GLIS3: variants seen among roughly 807,000 people sequenced by gnomAD.
GLIS3 encodes GLIS family zinc finger 3.
Under a neutral mutation model 78.6 loss-of-function variants are expected in GLIS3, and 53 were observed. The ratio of observed to expected loss-of-function variants is 0.67; its 90% CI spans 0.54 to 0.85. GLIS3 has a LOEUF of 0.85. Ranked by LOEUF, GLIS3 falls within the 40% of genes least tolerant of loss-of-function variation. The pLI, the probability that GLIS3 is intolerant of heterozygous loss-of-function variation, is 0.00. For synonymous variants in GLIS3, 684 were observed against 509.9 expected, an observed-to-expected ratio of 1.34 and a Z score of -4.60; for missense variants, 1,703 against 1,231.1, an observed-to-expected ratio of 1.38 and a Z score of -5.74.
chr9:4,330,927 G>A (rs1013095334), intron 2 of GLIS3, among the ~76,000 whole-genome samples: 46 of 152,300 alleles, frequency 3.0e-4, no homozygotes, highest in African/African-American at 1.0e-3. Flanking sequence ...TGTGCTGAAG[G>A]ATCACATTAG....
intron 2 of GLIS3, among the ~76,000 whole-genome samples, chr9:4,240,024 G>C (rs929403090): frequency 2.6e-5 from 4 of 151,832 alleles, no homozygotes; most frequent in African/African-American, 9.7e-5. Flanking sequence ...CATTTAACTT[G>C]ATTTTTTTTT....
chr9:3,828,100 C>T lies in GLIS3; in HGVS notation c.*172G>A. ...AGAAAAAGGAGCAACTGTAATGATT[C>T]CTGCAAAGCTAGCTCTGCCATTCAG... On this transcript the variant is annotated 3_prime_UTR_variant, in exon 11 of 11. Coordinates refer to ENST00000381971, the MANE Select transcript of GLIS3 (RefSeq NM_001042413.2). The T allele has an allele frequency of 2.8e-6, 2 of 706,822 alleles. No homozygotes were observed. The highest frequency in any genetic ancestry group is 4.9e-6 in the Non-Finnish European group (2 of 411,498). 43.8% of individuals were successfully genotyped at this position (706,822 alleles called of 1,614,324 possible). A position where few individuals can be genotyped will look rare whatever the true frequency, so the allele number is the denominator to read the frequency against.
At chr9:3,992,202 C>T (rs1356781780) in intron 4 of GLIS3, among the ~76,000 whole-genome samples, 11 of 152,238 alleles carry the variant, frequency 7.2e-5, no homozygotes, top group East Asian at 1.9e-4. Flanking sequence ...CATTTATTTT[C>T]ACTTTATACA....
chr9:4,311,280 ATG>A (rs1232308680), intron 2 of GLIS3, among the ~76,000 whole-genome samples: 8 of 152,208 alleles, frequency 5.3e-5, no homozygotes, highest in African/African-American at 1.9e-4. Context: ...GTGGTGGCAC[ATG>A]CCTGTAATCC....
At chr9:4,423,630 G>C in the GLIS3 span, among the ~76,000 whole-genome samples, 1 of 152,094 alleles carries the variant, frequency 6.6e-6, no homozygotes, top group African/African-American at 2.4e-5. Flanking sequence ...ATAATTTCTA[G>C]AGGATATCAC....
At chr9:3,988,552 GAATT>G (rs1162465904) in intron 4 of GLIS3, among the ~76,000 whole-genome samples, 1 of 152,136 alleles carries the variant, frequency 6.6e-6, no homozygotes, top group East Asian at 1.9e-4. Flanking sequence ...TGGTATTGAT[GAATT>G]AATACATAGA....
chr9:4,393,516 G>C, the GLIS3 span, among the ~76,000 whole-genome samples: 1 of 152,032 alleles, frequency 6.6e-6, no homozygotes, highest in Non-Finnish European at 1.5e-5. Flanking sequence ...GGTTTTTCCA[G>C]CCCAAGATCT....
chr9:4,311,331 C>T (rs1023888521), intron 2 of GLIS3, among the ~76,000 whole-genome samples: 1 of 152,174 alleles, frequency 6.6e-6, no homozygotes, highest in African/African-American at 2.4e-5. Context: ...ATCACTTGAG[C>T]TGGAGAGGTG....
intron 4 of GLIS3, among the ~76,000 whole-genome samples, chr9:4,085,905 CTG>C (rs1443729213): frequency 6.6e-6 from 1 of 152,200 alleles, no homozygotes; most frequent in Non-Finnish European, 1.5e-5. Context: ...GCCTGCAGAA[CTG>C]TGAGCAAATT....
chr9:4,214,192 A>G (rs1402721635), intron 2 of GLIS3, among the ~76,000 whole-genome samples: 2 of 152,236 alleles, frequency 1.3e-5, no homozygotes, highest in Non-Finnish European at 2.9e-5. Context: ...ATAATTGCTC[A>G]AAAATAAATT....
chr9:3,831,520 T>C (rs113847402), intron 9 of GLIS3, among the ~76,000 whole-genome samples: 167 of 152,368 alleles, frequency 1.1e-3, no homozygotes, highest in African/African-American at 3.7e-3. Flanking sequence ...GTTGTAGACA[T>C]TGCAAGAGAG....
At chr9:3,837,436 G>A (rs1818422123) in intron 9 of GLIS3, among the ~76,000 whole-genome samples, 1 of 152,172 alleles carries the variant, frequency 6.6e-6, no homozygotes, top group Non-Finnish European at 1.5e-5. Context: ...CCAAAGGGTT[G>A]GAAAACTTAT....
At chr9:4,319,695 A>C (rs1817493498) in intron 2 of GLIS3, among the ~76,000 whole-genome samples, 1 of 152,024 alleles carries the variant, frequency 6.6e-6, no homozygotes, top group Admixed American at 6.6e-5. Context: ...ACGCCTGGCT[A>C]ATTTTATTTT....
chr9:4,028,365 G>C (rs994368871), intron 4 of GLIS3, among the ~76,000 whole-genome samples: 2 of 152,074 alleles, frequency 1.3e-5, no homozygotes, highest in Non-Finnish European at 2.9e-5. Flanking sequence ...CAATTATCTT[G>C]TTTCCTTCTC....
At chr9:4,351,064 TATA>T (rs1381003279), upstream of GLIS3, among the ~76,000 whole-genome samples, 1 of 152,146 alleles carries the variant, frequency 6.6e-6, no homozygotes, top group East Asian at 1.9e-4. Context: ...CACTTCTCTG[TATA>T]ATAATCCATT....
chr9:4,411,690 T>C, the GLIS3 span, among the ~76,000 whole-genome samples: 1 of 152,180 alleles, frequency 6.6e-6, no homozygotes, highest in South Asian at 2.1e-4. Flanking sequence ...ACTTCTCTTC[T>C]GCAACAACAG....
At chr9:4,246,831 G>A (rs1295820627) in intron 2 of GLIS3, among the ~76,000 whole-genome samples, 3 of 152,046 alleles carry the variant, frequency 2.0e-5, no homozygotes, top group Non-Finnish European at 2.9e-5. Context: ...TTTAAATTGT[G>A]TTTCATTGGT....
At chr9:3,902,030 C>G (rs951132343) in intron 6 of GLIS3, among the ~76,000 whole-genome samples, 1 of 152,176 alleles carries the variant, frequency 6.6e-6, no homozygotes, top group African/African-American at 2.4e-5. Context: ...TATAGTTACC[C>G]GTACCAACGA....
At chr9:4,157,349 G>A (rs962689205) in intron 2 of GLIS3, among the ~76,000 whole-genome samples, 1 of 152,142 alleles carries the variant, frequency 6.6e-6, no homozygotes, top group Non-Finnish European at 1.5e-5. Context: ...GCCTGCTTCT[G>A]AAAATTCTCC....
Sources: gnomAD v4.1 joint callset for allele counts (sites outside exome capture counted in the v4.1 genomes callset) on GRCh38, gnomAD v4.1.1 for gene constraint, MANE v1.5 for transcripts, NCBI Gene and HGNC (gene_info 2026-07-23, HGNC 2026-07-21) for gene names.